PRKN: variants seen among roughly 807,000 people sequenced by gnomAD.
The protein encoded by PRKN is parkin RBR E3 ubiquitin protein ligase, also known as E3 ubiquitin-protein ligase parkin.
Under a neutral mutation model 59.5 loss-of-function variants are expected in PRKN, and 56 were observed. That is an observed-to-expected ratio of 0.94 (90% CI 0.76 to 1.18). PRKN has a LOEUF of 1.18. Ranked by LOEUF, PRKN falls within the 50% of genes most tolerant of loss-of-function variation. The pLI, the probability that PRKN is intolerant of heterozygous loss-of-function variation, is 0.00. For synonymous variants in PRKN, 250 were observed against 222.1 expected (o/e 1.13, Z -1.12); for missense variants, 657 against 596.4 (o/e 1.10, Z -1.06).
intron 1 of PRKN, among the ~76,000 whole-genome samples, chr6:162,698,153 G>A (rs1023327520): frequency 1.3e-5 from 2 of 152,224 alleles, no homozygotes; most frequent in Non-Finnish European, 1.5e-5. Flanking sequence ...TTCTGGAAGA[G>A]GATCAGCATA....
chr6:162,356,800 A>T (rs1784885684), intron 2 of PRKN, among the ~76,000 whole-genome samples: 1 of 151,168 alleles, frequency 6.6e-6, no homozygotes, highest in African/African-American at 2.4e-5. Context: ...AAATCAATGG[A>T]GATCCCAGAA....
In PRKN at chr6:161,554,753, TAC is replaced by T. The variant is rs566555229; in HGVS notation, c.934-5752_934-5751del. Among the ~76,000 whole-genome samples the T allele has an allele frequency of 6.7e-6, 1 of 150,228 alleles. No homozygotes were observed. The highest frequency in any genetic ancestry group is 2.4e-5 in the African/African-American group (1 of 40,854). Reference sequence around the variant, plus strand: ...GTGTGTGTATATATATATATATATATACATACACACTTATATTTATACATACT... The same window carrying T: ...GTGTGTGTATATATATATATATATATATACACACTTATATTTATACATACT... On this transcript the variant is annotated intron_variant, in intron 8 of 11. Coordinates refer to ENST00000366898, the MANE Select transcript of PRKN (RefSeq NM_004562.3). The surrounding 1 kb of genome is among the most constrained non-coding windows in gnomAD (Gnocchi z 4.5).
At chr6:161,719,683 G>GT (rs1397696480) in intron 7 of PRKN, among the ~76,000 whole-genome samples, 1 of 152,192 alleles carries the variant, frequency 6.6e-6, no homozygotes, top group Non-Finnish European at 1.5e-5. Context: ...AGAAGCTCAT[G>GT]TAATACTGCC....
At chr6:161,792,109 T>C (rs755622724) in intron 6 of PRKN, among the ~76,000 whole-genome samples, 1 of 152,212 alleles carries the variant, frequency 6.6e-6, no homozygotes. Flanking sequence ...ACTGAAGCCC[T>C]GGCTGATATT....
At position 161,703,839 on chromosome 6, in the gene PRKN, C is replaced by CTTTTTTT. The variant is rs71004062; in HGVS notation, c.871+81926_871+81932dup. 1.5e-4 allele frequency among the ~76,000 whole-genome samples: 9 copies of CTTTTTTT among 59,858 alleles called. 1 individual carries two copies. Among genetic ancestry groups the CTTTTTTT allele is most frequent in the Non-Finnish European group, 2.2e-4 (7 of 31,554 alleles). The allele number at this position is 59,858 out of a possible 152,430, so 39.3% of individuals were successfully genotyped here. A position where few individuals can be genotyped will look rare whatever the true frequency, so the allele number is the denominator to read the frequency against. ...CACACATCTCTCTCTCTCTCTCTCT[C>CTTTTTTT]TTTTTTTTTTTTTTTTTTTTTTTTT... is the stretch of plus-strand genomic sequence containing the variant. On this transcript the variant is annotated intron_variant, in intron 7 of 11. Transcript: ENST00000366898.
intron 1 of PRKN, among the ~76,000 whole-genome samples, chr6:162,705,031 C>T (rs192160165): frequency 1.3e-5 from 2 of 151,970 alleles, no homozygotes; most frequent in African/African-American, 4.8e-5. Flanking sequence ...TGTTCCTTTG[C>T]TTTTTTAAAA....
At chr6:161,556,546 G>C (rs1209053623) in intron 8 of PRKN, among the ~76,000 whole-genome samples, 2 of 152,172 alleles carry the variant, frequency 1.3e-5, no homozygotes, top group African/African-American at 4.8e-5. Flanking sequence ...CTGGCACGAA[G>C]TTGAAAGCGC....
intron 4 of PRKN, among the ~76,000 whole-genome samples, chr6:162,081,038 T>C (rs923137894): frequency 5.3e-5 from 8 of 152,132 alleles, no homozygotes; most frequent in African/African-American, 1.2e-4. Flanking sequence ...ATTGCAGAAA[T>C]TGAGTCATGT....
intron 4 of PRKN, among the ~76,000 whole-genome samples, chr6:162,141,973 C>T (rs1237046802): frequency 6.6e-6 from 1 of 152,130 alleles, no homozygotes; most frequent in Non-Finnish European, 1.5e-5. Flanking sequence ...TGCAATGCAC[C>T]ATTGTAAGCT....
intron 6 of PRKN, among the ~76,000 whole-genome samples, chr6:161,810,142 T>C (rs1791500932): frequency 6.6e-6 from 1 of 152,250 alleles, no homozygotes; most frequent in East Asian, 1.9e-4. Flanking sequence ...GTCAGATATG[T>C]GGAACTTAAT....
intron 2 of PRKN, among the ~76,000 whole-genome samples, chr6:162,340,911 T>C (rs1269025479): frequency 2.0e-5 from 3 of 152,148 alleles, no homozygotes; most frequent in Non-Finnish European, 4.4e-5. Context: ...AAGCCAAACT[T>C]GACAAATGGG....
chr6:162,341,396 C>T (rs1027354727), intron 2 of PRKN, among the ~76,000 whole-genome samples: 3 of 152,136 alleles, frequency 2.0e-5, no homozygotes, highest in African/African-American at 7.2e-5. Flanking sequence ...ACCCAGCAAT[C>T]CCATTACTGG....
intron 7 of PRKN, among the ~76,000 whole-genome samples, chr6:161,660,245 G>T (rs79796822): frequency 6.6e-6 from 1 of 152,168 alleles, no homozygotes; most frequent in South Asian, 2.1e-4. Context: ...GCTGAAGCAG[G>T]AGAATCACAG....
chr6:162,718,731 T>A (rs1406334677), intron 1 of PRKN, among the ~76,000 whole-genome samples: 5 of 151,836 alleles, frequency 3.3e-5, no homozygotes, highest in Admixed American at 3.3e-4. Context: ...AAAAATTTAT[T>A]CCAGAACTGT....
intron 1 of PRKN, among the ~76,000 whole-genome samples, chr6:162,680,173 C>T (rs150998218): frequency 0.01 from 1,535 of 150,420 alleles, 28 homozygotes; most frequent in African/African-American, 0.036. Context: ...CTTAATTAAG[C>T]ATATATATAC....
chr6:162,519,664 T>C (rs1377776468), intron 1 of PRKN, among the ~76,000 whole-genome samples: 1 of 152,198 alleles, frequency 6.6e-6, no homozygotes, highest in Non-Finnish European at 1.5e-5. Flanking sequence ...CAAACCCATC[T>C]CATTTATTCT....
intron 7 of PRKN, among the ~76,000 whole-genome samples, chr6:161,678,535 A>C (rs1785176512): frequency 6.6e-6 from 1 of 151,402 alleles, no homozygotes; most frequent in Non-Finnish European, 1.5e-5. Flanking sequence ...TTAAGCAAAA[A>C]ACCTTTAAAT....
chr6:161,719,654 G>T (rs1426807717), intron 7 of PRKN, among the ~76,000 whole-genome samples: 1 of 152,064 alleles, frequency 6.6e-6, no homozygotes, highest in Non-Finnish European at 1.5e-5. Context: ...TAAGTCTTTT[G>T]TTCTCCTATC....
At position 161,429,913 on chromosome 6, in the gene PRKN, GGA is replaced by G. The variant is rs1297382368; in HGVS notation, c.1084-43038_1084-43037del. On this transcript the variant is annotated intron_variant, in intron 9 of 11. Coordinates refer to ENST00000366898, the MANE Select transcript of PRKN (RefSeq NM_004562.3). This position sits in a 1 kb window ranked among gnomAD's most constrained non-coding sequence, Gnocchi z 4.2. ...AACAAGTTAGTCTGCTCAGTTTTAC[GGA>G]GGCCAGGAGAAGACCAGAGGTTCCT... Among the ~76,000 whole-genome samples the G allele has an allele frequency of 1.3e-5, 2 of 152,240 alleles. No individual in the cohort carries two copies. The highest frequency in any genetic ancestry group is 3.9e-4 in the East Asian group (2 of 5,184).
Sources: allele counts gnomAD v4.1 joint callset (sites outside exome capture counted in the v4.1 genomes callset), GRCh38; gene constraint gnomAD v4.1.1; non-coding constraint Gnocchi (gnomAD v3.1); transcripts MANE v1.5; gene names NCBI Gene and HGNC (gene_info 2026-07-23, HGNC 2026-07-21).